Variants in COL4A5 observed in about 807,000 individuals in gnomAD.
COL4A5 encodes collagen type IV alpha 5 chain.
COL4A5 carries 26 observed loss-of-function variants against 130.2 expected under a neutral mutation model. The ratio of observed to expected loss-of-function variants is 0.20; its 90% CI spans 0.15 to 0.28. The LOEUF is 0.28. Among genes scored for constraint, COL4A5 ranks in the 10% least tolerant of loss-of-function variants. COL4A5 has a pLI of 1.00. For synonymous variants in COL4A5, 496 were observed against 439.6 expected, an observed-to-expected ratio of 1.13 and a Z score of -1.60; for missense variants, 1,131 against 1,344.3, an observed-to-expected ratio of 0.84 and a Z score of 2.48.
chrX:108,501,211 GT>G (rs766391013), intron 1 of COL4A5, among the ~76,000 whole-genome samples: 1 of 111,473 alleles, frequency 9.0e-6, no homozygotes, highest in East Asian at 2.8e-4. Context: ...ATACATGGAT[GT>G]TTGAGAATCA....
intron 1 of COL4A5, among the ~76,000 whole-genome samples, chrX:108,458,847 G>A (rs1280130942): frequency 9.0e-6 from 1 of 111,095 alleles, no homozygotes; most frequent in African/African-American, 3.3e-5. Context: ...GGGCGTGGTG[G>A]CGGGCGCCTG....
At chrX:108,684,357 A>G (rs752324587) in intron 47 of COL4A5, among the ~76,000 whole-genome samples, 2 of 111,563 alleles carry the variant, frequency 1.8e-5, no homozygotes, top group South Asian at 7.5e-4. Context: ...CAAAATTGAT[A>G]GCAAGACTAA....
chrX:108,561,317 CCAGCCCCATGGAT>C (rs776529481), intron 3 of COL4A5, among the ~76,000 whole-genome samples: 4 of 111,426 alleles, frequency 3.6e-5, no homozygotes, highest in Non-Finnish European at 3.8e-5. Context: ...TCCCTACCTT[CCAGCCCCATGGAT>C]CAGCCCCATG....
At chrX:108,641,541 C>T (rs2067466861) in intron 36 of COL4A5, among the ~76,000 whole-genome samples, 1 of 112,005 alleles carries the variant, frequency 8.9e-6, no homozygotes, top group Non-Finnish European at 1.9e-5. Context: ...TTGCAGGACC[C>T]AGGAGACACC....
chrX:108,526,914 C>T (rs889546442), intron 1 of COL4A5, among the ~76,000 whole-genome samples: 8 of 106,074 alleles, frequency 7.5e-5, no homozygotes, highest in Admixed American at 2.1e-4. Context: ...ACTACAGGTG[C>T]ATGTCACCAT....
chrX:108,556,376 A>G (rs189056276), intron 2 of COL4A5, among the ~76,000 whole-genome samples: 45 of 111,410 alleles, frequency 4.0e-4, no homozygotes, highest in Non-Finnish European at 3.8e-5. Context: ...AAGATGTTTC[A>G]GACAGTTGCC....
intron 25 of COL4A5, among the ~76,000 whole-genome samples, chrX:108,599,398 C>T (rs781251452): frequency 5.4e-5 from 6 of 110,795 alleles, no homozygotes; most frequent in Non-Finnish European, 9.5e-5. Flanking sequence ...ATTAACTTTT[C>T]GTGTGGCTAT....
At chrX:108,684,229 T>TA (rs2068497967) in intron 47 of COL4A5, among the ~76,000 whole-genome samples, 1 of 110,136 alleles carries the variant, frequency 9.1e-6, no homozygotes, top group Admixed American at 9.7e-5. Flanking sequence ...ACAAACAAAT[T>TA]AAAAAACTAG....
At chrX:108,474,974 G>T (rs1434352069) in intron 1 of COL4A5, among the ~76,000 whole-genome samples, 2 of 111,263 alleles carry the variant, frequency 1.8e-5, no homozygotes, top group Non-Finnish European at 3.8e-5. Flanking sequence ...TTTTATTCCA[G>T]TACCATGTTG....
Position 108,687,511 on chromosome X carries a change from C to A in COL4A5, c.4345C>A (p.Pro1449Thr). ...GTRGLDGPPG[P>T]DGLQGPPGPP... Reference sequence around the variant, plus strand: ...CCGTGGTTTGGATGGTCCCCCTGGTCCAGATGGATTGCAAGGTCCCCCAGG... The same window carrying A: ...CCGTGGTTTGGATGGTCCCCCTGGTACAGATGGATTGCAAGGTCCCCCAGG... The change falls in exon 49 of 53, where the codon CCA becomes ACA. Residue 1449 changes from proline to threonine, a missense_variant. Coordinates refer to ENST00000328300, the MANE Select transcript of COL4A5 (RefSeq NM_033380.3). 1 of 1,211,303 alleles carries A rather than the reference C, an allele frequency of 8.3e-7. No individual in the cohort carries two copies. Among genetic ancestry groups the A allele is most frequent in the Non-Finnish European group, 1.1e-6 (1 of 895,227 alleles).
At chrX:108,683,825 T>C (rs757601049) in intron 47 of COL4A5, among the ~76,000 whole-genome samples, 2 of 111,769 alleles carry the variant, frequency 1.8e-5, no homozygotes, top group Non-Finnish European at 3.8e-5. Context: ...TATAGAATCA[T>C]GTAATCTGCA....
chrX:108,598,651 C>T (rs1029861997), intron 24 of COL4A5, 51 bp from the exon 25 acceptor site: 104 of 1,105,261 alleles, frequency 9.4e-5, no homozygotes, highest in Non-Finnish European at 1.3e-4. Flanking sequence ...TACCAACCTA[C>T]AGATAGTTGT....
intron 1 of COL4A5, among the ~76,000 whole-genome samples, chrX:108,472,101 G>T (rs761917568): frequency 9.0e-6 from 1 of 111,065 alleles, no homozygotes; most frequent in South Asian, 3.8e-4. Context: ...TGACCTATTG[G>T]TTGTTTAAGG....
At chrX:108,620,020 TAAGAA>T (rs2067007338) in intron 30 of COL4A5, among the ~76,000 whole-genome samples, 1 of 112,371 alleles carries the variant, frequency 8.9e-6, no homozygotes, top group Non-Finnish European at 1.9e-5. Context: ...AACTAGGAAT[TAAGAA>T]AAGATTGGCC....
chrX:108,460,222 A>G (rs2064628963), intron 1 of COL4A5, among the ~76,000 whole-genome samples: 1 of 111,802 alleles, frequency 8.9e-6, no homozygotes, highest in South Asian at 3.7e-4. Context: ...CCTAGCTCTA[A>G]GTTTATGTTA....
At chrX:108,671,359 A>T (rs1603311786) in intron 42 of COL4A5, among the ~76,000 whole-genome samples, 1 of 112,019 alleles carries the variant, frequency 8.9e-6, no homozygotes, top group South Asian at 3.7e-4. Flanking sequence ...TAAAAAAAAT[A>T]ATTTTTCAAG....
chrX:108,588,846 A>T (rs2066382599), intron 19 of COL4A5, among the ~76,000 whole-genome samples: 1 of 111,632 alleles, frequency 9.0e-6, no homozygotes, highest in African/African-American at 3.2e-5. Flanking sequence ...AGTGATAAGG[A>T]CAAATTACTA....
intron 41 of COL4A5, chrX:108,669,921 G>T (rs1048991964): frequency 1.7e-5 from 4 of 241,307 alleles, no homozygotes; most frequent in Admixed American, 1.3e-4. Flanking sequence ...AAACCCCATT[G>T]CTCTTAGAAT....
intron 1 of COL4A5, among the ~76,000 whole-genome samples, chrX:108,467,012 G>A (rs778261788): frequency 4.7e-4 from 53 of 111,746 alleles, no homozygotes; most frequent in Non-Finnish European, 3.8e-5. Flanking sequence ...CTTTAATGCA[G>A]AAACATTTTA....
Sources: gnomAD v4.1 joint callset for allele counts (sites outside exome capture counted in the v4.1 genomes callset) on GRCh38, gnomAD v4.1.1 for gene constraint, MANE v1.5 for transcripts, NCBI Gene and HGNC (gene_info 2026-07-23, HGNC 2026-07-21) for gene names.